The following SEC24D variants were observed in gnomAD, a reference collection of about 807,000 sequenced individuals.
SEC24D encodes the protein SEC24 homolog D, COPII component, also known as protein transport protein Sec24D.
In SEC24D, 69 loss-of-function variants were observed where a neutral mutation model predicts 116.9. The ratio of observed to expected loss-of-function variants is 0.59; its 90% CI spans 0.49 to 0.72. The LOEUF (loss-of-function observed/expected upper bound fraction) is 0.72, where lower values mean the gene tolerates loss of function less well. Ranked by LOEUF, SEC24D falls within the 30% of genes least tolerant of loss-of-function variation. The probability of loss-of-function intolerance (pLI) is 0.00; values close to 1 mark genes in which losing one functional copy is unlikely to be tolerated. For synonymous variants in SEC24D, 405 were observed against 442.8 expected, an observed-to-expected ratio of 0.91 and a Z score of 1.07; for missense variants, 1,131 against 1,264.1, an observed-to-expected ratio of 0.89 and a Z score of 1.60.
At chr4:118,748,702 T>A (rs945418091) in intron 13 of SEC24D, among the ~76,000 whole-genome samples, 1 of 152,162 alleles carries the variant, frequency 6.6e-6, no homozygotes, top group Non-Finnish European at 1.5e-5. Flanking sequence ...ACCTGCTTTT[T>A]TTTTTAATAG....
chr4:118,800,414 T>A (rs1436542831), intron 7 of SEC24D, among the ~76,000 whole-genome samples: 2 of 152,292 alleles, frequency 1.3e-5, no homozygotes, highest in African/African-American at 4.8e-5. Flanking sequence ...TAAAAAAGCT[T>A]TTATTCTGTT....
chr4:118,796,656 C>T (rs1406268201), intron 8 of SEC24D, among the ~76,000 whole-genome samples: 1 of 152,210 alleles, frequency 6.6e-6, no homozygotes. Flanking sequence ...CATAAAGCCC[C>T]ACTCACCATA....
At chr4:118,794,533 T>C (rs1216272261) in intron 8 of SEC24D, among the ~76,000 whole-genome samples, 1 of 152,234 alleles carries the variant, frequency 6.6e-6, no homozygotes, top group Non-Finnish European at 1.5e-5. Flanking sequence ...CTTCCTATGA[T>C]ATTTTGTTAT....
chr4:118,736,908 A>AACCAG (rs1240006578), intron 19 of SEC24D, among the ~76,000 whole-genome samples: 1 of 152,228 alleles, frequency 6.6e-6, no homozygotes, highest in Non-Finnish European at 1.5e-5. Context: ...TTAACTTTTA[A>AACCAG]ACCAGAATAA....
At chr4:118,775,341 AG>A (rs2110480153) in intron 8 of SEC24D, among the ~76,000 whole-genome samples, 1 of 102,742 alleles carries the variant, frequency 9.7e-6, no homozygotes, top group East Asian at 2.7e-4. Context: ...TTAAAGCAAA[AG>A]GTCAAAAAAA....
chr4:118,769,391 T>C (rs533970768), intron 8 of SEC24D, among the ~76,000 whole-genome samples: 31 of 152,332 alleles, frequency 2.0e-4, no homozygotes, highest in African/African-American at 7.5e-4. Flanking sequence ...CTTGTTTTTG[T>C]AAATCTCCTT....
intron 2 of SEC24D, among the ~76,000 whole-genome samples, chr4:118,826,154 A>G (rs558661055): frequency 1.3e-5 from 2 of 152,206 alleles, no homozygotes; most frequent in African/African-American, 4.8e-5. Flanking sequence ...TTCATATACC[A>G]CTATTTTCAA....
In SEC24D at chr4:118,766,323, T is replaced by C. The variant is rs1444542595; in HGVS notation, c.1181-1406A>G. On this transcript the variant is annotated intron_variant, in intron 9 of 22. Coordinates refer to ENST00000280551, the MANE Select transcript of SEC24D (RefSeq NM_014822.4). ...CCCACTGGACAATCTCTGGACACTT[T>C]GCAAGGAAATAAGAGTGGAATCACT... Among the ~76,000 whole-genome samples, 3 of 152,200 alleles carry C rather than the reference T, an allele frequency of 2.0e-5. No homozygotes were observed. The East Asian group carries it at 5.8e-4, about 29-fold the overall frequency.
intron 17 of SEC24D, 26 bp downstream of exon 17, chr4:118,740,637 A>G (rs751749640): frequency 6.2e-7 from 1 of 1,609,684 alleles, no homozygotes; most frequent in Non-Finnish European, 8.5e-7. Flanking sequence ...TAAAATAACG[A>G]AAGGTGGGAA....
intron 22 of SEC24D, among the ~76,000 whole-genome samples, chr4:118,727,334 T>G (rs34091082): frequency 0.29 from 44,135 of 152,080 alleles, 7,247 homozygotes; most frequent in Non-Finnish European, 0.37. Context: ...ATATAATATT[T>G]GAAGCTCACC....
At chr4:118,776,844 A>G (rs890979831) in intron 8 of SEC24D, among the ~76,000 whole-genome samples, 2 of 152,150 alleles carry the variant, frequency 1.3e-5, no homozygotes, top group East Asian at 3.9e-4. Flanking sequence ...AATGATTAAT[A>G]TATCTTAGAC....
At chr4:118,784,762 C>T (rs1578431923) in intron 8 of SEC24D, among the ~76,000 whole-genome samples, 1 of 128,502 alleles carries the variant, frequency 7.8e-6, no homozygotes, top group African/African-American at 3.0e-5. Flanking sequence ...CCACCAAATA[C>T]ACACAAACAC....
rs1407995223 is a variant in SEC24D at position 118,761,828 on chromosome 4, T to C, written c.1296+2974A>G. Among the ~76,000 whole-genome samples, 4 of 152,308 alleles carry C rather than the reference T, an allele frequency of 2.6e-5. No homozygotes were observed. The East Asian group carries it at 7.7e-4, about 29-fold the overall frequency. On this transcript the variant is annotated intron_variant, in intron 10 of 22. Coordinates refer to ENST00000280551, the MANE Select transcript of SEC24D (RefSeq NM_014822.4). ...TGTCCAGGCTCATAATCTAATCAGC[T>C]CAAATGTCACTTCCTCTATGAAGCC...
intron 4 of SEC24D, among the ~76,000 whole-genome samples, chr4:118,816,061 A>G (rs892418401): frequency 6.7e-6 from 1 of 149,872 alleles, no homozygotes; most frequent in Non-Finnish European, 1.5e-5. Context: ...AACTGAGACT[A>G]CAGGCACACA....
chr4:118,768,394 C>A, intron 8 of SEC24D, 83 bp from the exon 9 acceptor site: 5 of 581,152 alleles, frequency 8.6e-6, no homozygotes, highest in Non-Finnish European at 1.1e-5. Context: ...TTTAATGGCA[C>A]TTTTTTTTTT....
At chr4:118,758,972 T>C (rs764581448) in intron 10 of SEC24D, among the ~76,000 whole-genome samples, 1 of 152,200 alleles carries the variant, frequency 6.6e-6, no homozygotes, top group Non-Finnish European at 1.5e-5. Context: ...CAGCATAGAC[T>C]TGTGCTGATT....
intron 10 of SEC24D, among the ~76,000 whole-genome samples, chr4:118,758,167 C>A (rs1000957026): frequency 6.6e-6 from 1 of 152,114 alleles, no homozygotes; most frequent in African/African-American, 2.4e-5. Flanking sequence ...AGAATCATGG[C>A]CAGACTTGCT....
intron 6 of SEC24D, among the ~76,000 whole-genome samples, chr4:118,812,722 G>C (rs920178698): frequency 1.3e-5 from 2 of 152,136 alleles, no homozygotes; most frequent in African/African-American, 4.8e-5. Flanking sequence ...CATTCTCCAA[G>C]CCCATGTGTG....
Position 118,723,495 on chromosome 4 carries a change from C to T in SEC24D, c.*20G>A, listed in dbSNP as rs1399423418. On this transcript the variant is annotated 3_prime_UTR_variant, in exon 23 of 23. Transcript: ENST00000280551. ...GATTATCTCCTTGGAAATGCAACATCAATGACAGAGAAGTTTCAATTAATT... is the reference window on the plus strand; with the variant it reads ...GATTATCTCCTTGGAAATGCAACATTAATGACAGAGAAGTTTCAATTAATT... 1 of 1,603,158 alleles carries T rather than the reference C, an allele frequency of 6.2e-7. No homozygotes were observed. The highest frequency in any genetic ancestry group is 8.5e-7 in the Non-Finnish European group (1 of 1,176,058).
Sources: allele counts gnomAD v4.1 joint callset (sites outside exome capture counted in the v4.1 genomes callset), GRCh38; gene constraint gnomAD v4.1.1; transcripts MANE v1.5; gene names NCBI Gene and HGNC (gene_info 2026-07-23, HGNC 2026-07-21).